MTMR8: variants seen among roughly 807,000 people sequenced by gnomAD.
MTMR8 encodes phosphatidylinositol-3,5-bisphosphate 3-phosphatase MTMR8.
Under a neutral mutation model 39.3 loss-of-function variants are expected in MTMR8, and 65 were observed. That is an observed-to-expected ratio of 1.65 (90% confidence interval 1.35 to 2.03). The LOEUF is 2.03. Ranked by LOEUF, MTMR8 falls within the 30% of genes most tolerant of loss-of-function variation. The probability of loss-of-function intolerance (pLI) is 0.00; values close to 1 mark genes in which losing one functional copy is unlikely to be tolerated. For missense variants in MTMR8, 777 were observed against 538.9 expected (o/e 1.44, Z -4.37); for synonymous variants, 245 against 185.2 (o/e 1.32, Z -2.62).
At chrX:64,305,568 G>A in intron 12 of MTMR8, 1 of 466,721 alleles carries the variant, frequency 2.1e-6, no homozygotes, top group South Asian at 2.7e-5. Flanking sequence ...AATTCCAGTA[G>A]CCATGTTGCT....
chrX:64,299,462 TTCTC>T (rs1350394351), intron 12 of MTMR8, among the ~76,000 whole-genome samples: 50 of 107,667 alleles, frequency 4.6e-4, no homozygotes, highest in Non-Finnish European at 7.7e-4. Flanking sequence ...TATTTGAGTC[TTCTC>T]TCTTTTTTTC....
intron 12 of MTMR8, among the ~76,000 whole-genome samples, chrX:64,275,857 A>G (rs1323403527): frequency 9.0e-6 from 1 of 111,113 alleles, no homozygotes; most frequent in Admixed American, 9.6e-5. Flanking sequence ...AAATTGGATA[A>G]CCCAGAATAA....
intron 12 of MTMR8, among the ~76,000 whole-genome samples, chrX:64,293,207 G>T: frequency 9.0e-6 from 1 of 111,560 alleles, no homozygotes; most frequent in Middle Eastern, 4.7e-3. Flanking sequence ...GGGCAATAAT[G>T]GCTAATGCTA....
intron 12 of MTMR8, among the ~76,000 whole-genome samples, chrX:64,304,145 GA>G (rs1348237449): frequency 2.7e-5 from 3 of 112,098 alleles, no homozygotes; most frequent in African/African-American, 9.7e-5. Flanking sequence ...CAACTAAAAA[GA>G]AAGCCATACT....
chrX:64,364,830 T>C (rs1209981231), intron 1 of MTMR8, among the ~76,000 whole-genome samples: 1 of 111,528 alleles, frequency 9.0e-6, no homozygotes, highest in East Asian at 2.8e-4. Context: ...AAGAAGGATG[T>C]TCGAACCCAT....
At chrX:64,373,220 C>T (rs753736706) in intron 1 of MTMR8, among the ~76,000 whole-genome samples, 6 of 111,801 alleles carry the variant, frequency 5.4e-5, no homozygotes, top group Non-Finnish European at 9.4e-5. Flanking sequence ...AGAACCCAAA[C>T]TCTTAACCAT....
At chrX:64,295,626 C>G (rs986793929) in intron 12 of MTMR8, among the ~76,000 whole-genome samples, 1 of 110,742 alleles carries the variant, frequency 9.0e-6, no homozygotes, top group Non-Finnish European at 1.9e-5. Context: ...AAAAAACAAC[C>G]CAATTCAAAA....
intron 12 of MTMR8, among the ~76,000 whole-genome samples, chrX:64,303,825 T>TTTC (rs767554970): frequency 1.8e-5 from 2 of 112,273 alleles, no homozygotes; most frequent in African/African-American, 6.5e-5. Flanking sequence ...CTGAAACTTT[T>TTTC]TTCTTCTTCT....
intron 1 of MTMR8, among the ~76,000 whole-genome samples, chrX:64,374,493 C>T (rs1924210658): frequency 1.8e-5 from 2 of 111,666 alleles, no homozygotes; most frequent in South Asian, 3.7e-4. Flanking sequence ...TGTCTAAGCA[C>T]GCTCTTTATC....
chrX:64,294,782 A>T (rs1412221090), intron 12 of MTMR8, among the ~76,000 whole-genome samples: 2 of 111,494 alleles, frequency 1.8e-5, no homozygotes, highest in Non-Finnish European at 3.8e-5. Flanking sequence ...TTATAAGGGA[A>T]CTAATCCCAT....
intron 12 of MTMR8, among the ~76,000 whole-genome samples, chrX:64,323,557 T>C (rs1922711317): frequency 1.8e-5 from 2 of 111,889 alleles, no homozygotes; most frequent in Admixed American, 1.9e-4. Flanking sequence ...CTAAATCAAA[T>C]GGACCAAGCA....
At chrX:64,284,176 C>G (rs998328095) in intron 12 of MTMR8, among the ~76,000 whole-genome samples, 1 of 111,887 alleles carries the variant, frequency 8.9e-6, no homozygotes, top group Admixed American at 9.5e-5. Flanking sequence ...ATGTGACGTA[C>G]GCACAAGCTT....
chrX:64,394,928 G>A (rs940835248), intron 1 of MTMR8, among the ~76,000 whole-genome samples: 7 of 112,361 alleles, frequency 6.2e-5, no homozygotes, highest in African/African-American at 2.3e-4. Flanking sequence ...GTGAAGAAAC[G>A]CTCGATAAAG....
intron 12 of MTMR8, among the ~76,000 whole-genome samples, chrX:64,299,913 G>T (rs1253900273): frequency 1.3e-5 from 1 of 78,504 alleles, no homozygotes; most frequent in Non-Finnish European, 2.4e-5. Context: ...TTAATCCTGA[G>T]TTCTAGTTTG....
chrX:64,309,812 C>A (rs1428202326), intron 12 of MTMR8, among the ~76,000 whole-genome samples: 1 of 112,115 alleles, frequency 8.9e-6, no homozygotes, highest in African/African-American at 3.2e-5. Context: ...ATTAAGTATG[C>A]AACAACATTA....
intron 12 of MTMR8, among the ~76,000 whole-genome samples, chrX:64,278,189 G>A (rs904096122): frequency 1.3e-4 from 14 of 108,817 alleles, no homozygotes; most frequent in Middle Eastern, 4.8e-3. Context: ...CCTTTAGCTC[G>A]GAAGAGTTTG....
intron 1 of MTMR8, among the ~76,000 whole-genome samples, chrX:64,388,356 A>T (rs1260883036): frequency 8.9e-6 from 1 of 112,171 alleles, no homozygotes; most frequent in East Asian, 2.8e-4. Context: ...GCAGGCTTTT[A>T]TGACAAGCCT....
intron 1 of MTMR8, among the ~76,000 whole-genome samples, chrX:64,370,430 A>G (rs773046588): frequency 3.6e-5 from 4 of 110,995 alleles, no homozygotes; most frequent in Non-Finnish European, 7.6e-5. Context: ...CCCTAGCCCA[A>G]TGATCTTTTC....
intron 4 of MTMR8, among the ~76,000 whole-genome samples, chrX:64,353,762 C>CA (rs1368036682): frequency 9.1e-6 from 1 of 110,061 alleles, no homozygotes; most frequent in African/African-American, 3.3e-5. Context: ...CCCATCTCTA[C>CA]AAAAAATGAA....
Sources: allele counts gnomAD v4.1 joint callset (sites outside exome capture counted in the v4.1 genomes callset), GRCh38; gene constraint gnomAD v4.1.1; transcripts MANE v1.5; gene names NCBI Gene and HGNC (gene_info 2026-07-23, HGNC 2026-07-21).